The following SMYD3 variants were observed in gnomAD, a reference collection of about 807,000 sequenced individuals.
The protein encoded by SMYD3 is SET and MYND domain containing 3.
Under a neutral mutation model 57.7 loss-of-function variants are expected in SMYD3, and 36 were observed. That is an observed-to-expected ratio of 0.62 (90% CI 0.48 to 0.82). SMYD3 has a LOEUF of 0.82. Among genes scored for constraint, SMYD3 ranks in the 40% least tolerant of loss-of-function variants. The pLI is 0.00. For missense variants in SMYD3, 515 were observed against 538.8 expected (o/e 0.96, Z 0.44); for synonymous variants, 211 against 195.0 (o/e 1.08, Z -0.68).
At chr1:246,136,768 T>C (rs188750090) in intron 5 of SMYD3, among the ~76,000 whole-genome samples, 184 of 152,270 alleles carry the variant, frequency 1.2e-3, no homozygotes, top group East Asian at 1.9e-4. Flanking sequence ...ATGAATGAAG[T>C]TGCTGAATGG....
intron 5 of SMYD3, among the ~76,000 whole-genome samples, chr1:246,107,103 C>CCT (rs749267471): frequency 1.7e-4 from 18 of 108,718 alleles, no homozygotes; most frequent in African/African-American, 4.8e-4. Context: ...ATCGAGACCA[C>CCT]GGTGAAACCC....
chr1:246,353,087 A>G (rs984989870), intron 2 of SMYD3, among the ~76,000 whole-genome samples: 5 of 152,358 alleles, frequency 3.3e-5, no homozygotes, highest in African/African-American at 1.2e-4. Context: ...AGCAGTATTA[A>G]TGTTTCACTT....
At chr1:246,189,995 T>C (rs1274123762) in intron 5 of SMYD3, among the ~76,000 whole-genome samples, 3 of 152,220 alleles carry the variant, frequency 2.0e-5, no homozygotes, top group Non-Finnish European at 4.4e-5. Flanking sequence ...GGATTTGTTT[T>C]TGTGGAGTCT....
Position 246,299,870 on chromosome 1 carries a change from A to G in SMYD3, c.531+27331T>C, listed in dbSNP as rs2064862020. On this transcript the variant is annotated intron_variant, in intron 5 of 11. Coordinates refer to ENST00000490107, the MANE Select transcript of SMYD3 (RefSeq NM_001167740.2). Reference sequence around the variant, plus strand: ...ATGGGAGGAGGGAGAGGATCAGGAAAAACGACTACTGGGTACTAGGCTGAA... The same window carrying G: ...ATGGGAGGAGGGAGAGGATCAGGAAGAACGACTACTGGGTACTAGGCTGAA... Among the ~76,000 whole-genome samples, 6 of 151,196 alleles carry G rather than the reference A, an allele frequency of 4.0e-5. No individual in the cohort carries two copies. The Admixed American group carries it at 4.0e-4, about 10-fold the overall frequency.
At chr1:246,040,009 G>A (rs1403450425) in intron 5 of SMYD3, among the ~76,000 whole-genome samples, 2 of 152,162 alleles carry the variant, frequency 1.3e-5, no homozygotes, top group Non-Finnish European at 2.9e-5. Flanking sequence ...TACAGTTAAC[G>A]TCCGACATGA....
At chr1:246,291,199 G>A (rs914700827) in intron 5 of SMYD3, among the ~76,000 whole-genome samples, 2 of 151,968 alleles carry the variant, frequency 1.3e-5, no homozygotes, top group East Asian at 1.9e-4. Context: ...TTAGGGAAAC[G>A]TTCCCCTCTG....
At chr1:246,307,121 T>C (rs2064992340) in intron 5 of SMYD3, among the ~76,000 whole-genome samples, 1 of 152,222 alleles carries the variant, frequency 6.6e-6, no homozygotes, top group Admixed American at 6.5e-5. Flanking sequence ...TTTCACACTT[T>C]TAGTCCACAT....
At chr1:246,033,709 C>T (rs370074586) in intron 5 of SMYD3, among the ~76,000 whole-genome samples, 2 of 152,282 alleles carry the variant, frequency 1.3e-5, no homozygotes, top group South Asian at 4.1e-4. Context: ...ATCGCTTGAA[C>T]CCAGGAGGTG....
At chr1:245,786,258 C>T (rs760686955) in intron 10 of SMYD3, among the ~76,000 whole-genome samples, 67 of 150,026 alleles carry the variant, frequency 4.5e-4, no homozygotes, top group Non-Finnish European at 6.8e-4. Context: ...AAAAAGAAGC[C>T]TACGGAAACC....
chr1:246,261,956 AT>A (rs2064021288), intron 5 of SMYD3, among the ~76,000 whole-genome samples: 1 of 152,228 alleles, frequency 6.6e-6, no homozygotes, highest in African/African-American at 2.4e-5. Flanking sequence ...TAAGTGAAAA[AT>A]AAGCTGTTCA....
At chr1:246,221,686 A>G (rs1203234095) in intron 5 of SMYD3, among the ~76,000 whole-genome samples, 1 of 152,144 alleles carries the variant, frequency 6.6e-6, no homozygotes, top group African/African-American at 2.4e-5. Context: ...AGCTGCCCAC[A>G]CCATAGCAGC....
At chr1:245,749,727 C>G (rs752664364) in intron 11 of SMYD3, 63 bp from the exon 12 acceptor site, 22 of 1,316,242 alleles carry the variant, frequency 1.7e-5, no homozygotes, top group Admixed American at 5.2e-5. Context: ...CCATTCCCCA[C>G]CTTTACCCCA....
intron 5 of SMYD3, among the ~76,000 whole-genome samples, chr1:246,241,425 C>T (rs985112763): frequency 6.6e-5 from 10 of 152,204 alleles, no homozygotes; most frequent in African/African-American, 2.2e-4. Context: ...ACCAGCCTTG[C>T]ATCCCAGGGA....
intron 8 of SMYD3, among the ~76,000 whole-genome samples, chr1:245,914,669 C>T (rs1294232910): frequency 1.3e-5 from 2 of 152,150 alleles, no homozygotes; most frequent in African/African-American, 2.4e-5. Context: ...AACGAATCTG[C>T]TCATCTGCAG....
intron 1 of SMYD3, among the ~76,000 whole-genome samples, chr1:246,419,135 C>T (rs897106051): frequency 1.3e-5 from 2 of 152,220 alleles, no homozygotes; most frequent in Non-Finnish European, 2.9e-5. Context: ...CCACCCCCCA[C>T]TAGCAAAAAT....
chr1:246,474,284 C>G (rs1376972724), intron 1 of SMYD3, among the ~76,000 whole-genome samples: 1 of 152,112 alleles, frequency 6.6e-6, no homozygotes, highest in East Asian at 1.9e-4. Flanking sequence ...CTTTGCGGGG[C>G]CAAGGCGGGT....
intron 1 of SMYD3, among the ~76,000 whole-genome samples, chr1:246,439,114 G>T: frequency 1.4e-5 from 2 of 147,402 alleles, no homozygotes; most frequent in African/African-American, 2.5e-5. Context: ...TCGGGGGGGG[G>T]GGTTCCCAAT....
chr1:246,002,466 C>G (rs1443565988), intron 5 of SMYD3, among the ~76,000 whole-genome samples: 2 of 51,848 alleles, frequency 3.9e-5, no homozygotes, highest in South Asian at 7.9e-4. Flanking sequence ...TTACAGGCGC[C>G]CGCCACCACG....
At chr1:245,977,043 G>A (rs201282951) in intron 5 of SMYD3, among the ~76,000 whole-genome samples, 2 of 110,874 alleles carry the variant, frequency 1.8e-5, no homozygotes, top group Admixed American at 9.2e-5. Context: ...GAAAGCCATC[G>A]TCTCCGGCCC....
Sources: allele counts gnomAD v4.1 joint callset (sites outside exome capture counted in the v4.1 genomes callset), GRCh38; gene constraint gnomAD v4.1.1; transcripts MANE v1.5; gene names NCBI Gene and HGNC (gene_info 2026-07-23, HGNC 2026-07-21).